The following TMEM132C variants were observed in gnomAD, a reference collection of about 807,000 sequenced individuals.
The protein encoded by TMEM132C is protein phosphatase 1, regulatory subunit 152.
Under a neutral mutation model 61.4 loss-of-function variants are expected in TMEM132C, and 29 were observed. The observed-to-expected ratio is 0.47, with a 90% CI of 0.35 to 0.64. The LOEUF is 0.64. Among genes scored for constraint, TMEM132C ranks in the 30% least tolerant of loss-of-function variants. TMEM132C has a pLI of 0.00. For missense variants in TMEM132C, 1,408 were observed against 1,476.9 expected, an observed-to-expected ratio of 0.95 and a Z score of 0.76; for synonymous variants, 656 against 633.1, an observed-to-expected ratio of 1.04 and a Z score of -0.54.
intron 1 of TMEM132C, among the ~76,000 whole-genome samples, chr12:128,331,100 C>T (rs1872655190): frequency 6.6e-6 from 1 of 152,076 alleles, no homozygotes; most frequent in South Asian, 2.1e-4. Context: ...TTCCCCCTGC[C>T]CCCCAGTCCC....
At chr12:128,605,249 T>C (rs1876380947) in intron 3 of TMEM132C, among the ~76,000 whole-genome samples, 1 of 152,148 alleles carries the variant, frequency 6.6e-6, no homozygotes, top group African/African-American at 2.4e-5. Context: ...GCCAGCAAAG[T>C]ACTTCCATTC....
At position 128,693,810 on chromosome 12, in the gene TMEM132C, T is replaced by G; in HGVS notation, c.1450-19T>G. The G allele has an allele frequency of 6.4e-7, 1 of 1,551,620 alleles. No individual in the cohort carries two copies. The highest frequency in any genetic ancestry group is 2.0e-5 in the Admixed American group (1 of 51,002). On this transcript the variant is annotated intron_variant, in intron 5 of 8. Transcript: ENST00000435159. ...CTCCATGAACTTCTCCTCCATCCTT[T>G]CTCCCTCTGTCTTTGCAGGTGTCTG...
rs1028599049 is a variant in TMEM132C, at chr12:128,634,489, C to T, written c.1305+18154C>T. Among the ~76,000 whole-genome samples the T allele has an allele frequency of 3.9e-5, 6 of 152,256 alleles. 2 individuals carry two copies. Among genetic ancestry groups the T allele is most frequent in the South Asian group, 2.1e-4 (1 of 4,834 alleles). On this transcript the variant is annotated intron_variant, in intron 4 of 8. Transcript: ENST00000435159. ...TGAAAATATCTGCGTGCTGCTTCTT[C>T]GTAATTCATTATGTCTCAAGGGAAT...
At chr12:128,358,704 C>G (rs1486499423) in intron 1 of TMEM132C, among the ~76,000 whole-genome samples, 5 of 152,096 alleles carry the variant, frequency 3.3e-5, no homozygotes, top group African/African-American at 1.2e-4. Context: ...ATACCCAAAA[C>G]TAATTGAGGC....
intron 5 of TMEM132C, among the ~76,000 whole-genome samples, chr12:128,675,873 ATAG>A (rs1295298244): frequency 1.0e-4 from 10 of 98,656 alleles, no homozygotes; most frequent in Non-Finnish European, 1.9e-4. Context: ...AGATAGATAG[ATAG>A]ATAGATAAAT....
Position 128,338,757 on chromosome 12 carries a change from A to AATATATAT in TMEM132C, c.85+71283_85+71290dup, listed in dbSNP as rs59699427. ...TCCTTTCTTGTTTTCCTTCTGCAGA[A>AATATATAT]ATATATATATATATATATATTTTGC... On this transcript the variant is annotated intron_variant, in intron 1 of 8. Coordinates refer to ENST00000435159, the MANE Select transcript of TMEM132C (RefSeq NM_001136103.3). Among the ~76,000 whole-genome samples, 1,061 of 138,632 alleles carry AATATATAT rather than the reference A, an allele frequency of 7.7e-3. 36 individuals are homozygous for AATATATAT. Among genetic ancestry groups the AATATATAT allele is most frequent in the Middle Eastern group, 0.026 (7 of 270 alleles). The allele number at this position is 138,632 out of a possible 152,430, so 90.9% of individuals were successfully genotyped here. A position where few individuals can be genotyped will look rare whatever the true frequency, so the allele number is the denominator to read the frequency against.
In TMEM132C at chr12:128,283,265, T is replaced by G. The variant is rs73430876; in HGVS notation, c.85+15778T>G. 4.0e-3 allele frequency among the ~76,000 whole-genome samples: 613 copies of G among 152,312 alleles called. 5 individuals are homozygous for G. Among genetic ancestry groups the G allele is most frequent in the African/African-American group, 0.014 (576 of 41,586 alleles). On this transcript the variant is annotated intron_variant, in intron 1 of 8. Transcript: ENST00000435159. ...GTTGTTCTGACATGTCCTCCTTCTT[T>G]AAGCACTGCCCTACTTTCTGGATGT... is the stretch of plus-strand genomic sequence containing the variant.
intron 2 of TMEM132C, among the ~76,000 whole-genome samples, chr12:128,511,221 C>T (rs1872554094): frequency 6.6e-6 from 1 of 152,208 alleles, no homozygotes; most frequent in African/African-American, 2.4e-5. Context: ...CTGCAGCCCC[C>T]ACCCATGAAT....
At chr12:128,636,240 A>G (rs1378622946) in intron 4 of TMEM132C, among the ~76,000 whole-genome samples, 2 of 151,990 alleles carry the variant, frequency 1.3e-5, no homozygotes, top group African/African-American at 4.8e-5. Flanking sequence ...TTTTTTAGAG[A>G]CAGGGTCTCA....
intron 3 of TMEM132C, among the ~76,000 whole-genome samples, chr12:128,561,570 T>C (rs1223039433): frequency 1.3e-5 from 2 of 152,254 alleles, no homozygotes; most frequent in Non-Finnish European, 2.9e-5. Flanking sequence ...AGTGGGCATA[T>C]TAGGGTTCAT....
In TMEM132C at chr12:128,486,876, AACACACACACAC is replaced by A. The variant is rs56407388; in HGVS notation, c.975-57047_975-57036del. On this transcript the variant is annotated intron_variant, in intron 2 of 8. Transcript: ENST00000435159. ...ATGCTTGTAAACATGTGTGCATGCA[AACACACACACAC>A]ACACACACACACACACACACACACA... is the stretch of plus-strand genomic sequence containing the variant. 9.5e-3 allele frequency among the ~76,000 whole-genome samples: 1,242 copies of A among 131,210 alleles called. 10 individuals carry two copies. The highest frequency in any genetic ancestry group is 0.03 in the African/African-American group (1,071 of 35,304). The allele number at this position is 131,210 out of a possible 152,430, so 86.1% of individuals were successfully genotyped here. A position where few individuals can be genotyped will look rare whatever the true frequency, so the allele number is the denominator to read the frequency against.
intron 1 of TMEM132C, among the ~76,000 whole-genome samples, chr12:128,355,942 G>T (rs1334159826): frequency 6.6e-6 from 1 of 152,076 alleles, no homozygotes; most frequent in African/African-American, 2.4e-5. Context: ...TCCTGTCACG[G>T]TGTATTTTAC....
intron 1 of TMEM132C, among the ~76,000 whole-genome samples, chr12:128,371,090 T>C (rs1260060985): frequency 6.6e-6 from 1 of 152,098 alleles, no homozygotes; most frequent in African/African-American, 2.4e-5. Flanking sequence ...ATGGATGGGA[T>C]GTTAGCCGCA....
At chr12:128,379,195 G>T (rs1874322720) in intron 1 of TMEM132C, among the ~76,000 whole-genome samples, 1 of 152,214 alleles carries the variant, frequency 6.6e-6, no homozygotes, top group South Asian at 2.1e-4. Flanking sequence ...CCATCAGATG[G>T]GGTTGGGTTA....
intron 3 of TMEM132C, among the ~76,000 whole-genome samples, chr12:128,614,247 G>A (rs1378064389): frequency 6.6e-6 from 1 of 152,160 alleles, no homozygotes; most frequent in Non-Finnish European, 1.5e-5. Flanking sequence ...GTAAGGATTT[G>A]GATAAGAAAT....
intron 3 of TMEM132C, 38 bp downstream of exon 3, chr12:128,544,141 G>C (rs1327538740): frequency 2.1e-6 from 3 of 1,459,908 alleles, no homozygotes; most frequent in Non-Finnish European, 2.7e-6. Flanking sequence ...TGTGGTTCCT[G>C]GTCCCGGGCC....
At chr12:128,437,227 A>G (rs1011277255) in intron 2 of TMEM132C, among the ~76,000 whole-genome samples, 1 of 152,242 alleles carries the variant, frequency 6.6e-6, no homozygotes, top group Non-Finnish European at 1.5e-5. Flanking sequence ...GCAAACCAAC[A>G]TGGCACATGT....
intron 2 of TMEM132C, among the ~76,000 whole-genome samples, chr12:128,523,932 C>A (rs1872997355): frequency 6.6e-6 from 1 of 151,050 alleles, no homozygotes; most frequent in Non-Finnish European, 1.5e-5. Context: ...AGGATTGCTT[C>A]AGCCCTGCAG....
chr12:128,392,134 A>G (rs1231152093), intron 1 of TMEM132C, among the ~76,000 whole-genome samples: 1 of 149,332 alleles, frequency 6.7e-6, no homozygotes, highest in Non-Finnish European at 1.5e-5. Context: ...CCTTTTCTCT[A>G]TGGAGACAGG....
Sources: gnomAD v4.1 joint callset for allele counts (sites outside exome capture counted in the v4.1 genomes callset) on GRCh38, gnomAD v4.1.1 for gene constraint, MANE v1.5 for transcripts, NCBI Gene and HGNC (gene_info 2026-07-23, HGNC 2026-07-21) for gene names.